Variants in CC2D2A observed in about 807,000 individuals in gnomAD.
The protein encoded by CC2D2A is coiled-coil and C2 domain containing 2A.
In CC2D2A, 155 loss-of-function variants were observed where a neutral mutation model predicts 212.9. The observed-to-expected ratio is 0.73, with a 90% CI of 0.64 to 0.83. The LOEUF (loss-of-function observed/expected upper bound fraction) is 0.83. Ranked by LOEUF, CC2D2A falls within the 40% of genes least tolerant of loss-of-function variation. The probability of loss-of-function intolerance (pLI) is 0.00; values close to 1 mark genes in which losing one functional copy is unlikely to be tolerated. For synonymous variants in CC2D2A, 667 were observed against 686.5 expected (o/e 0.97, Z 0.44); for missense variants, 1,856 against 1,956.2 (o/e 0.95, Z 0.97).
chr4:15,473,954 T>G (rs192690685), intron 1 of CC2D2A, among the ~76,000 whole-genome samples: 1 of 152,264 alleles, frequency 6.6e-6, no homozygotes, highest in East Asian at 1.9e-4. Context: ...ATTTGAGGTA[T>G]GTAAAGCCAA....
At chr4:15,510,317 C>A (rs113565267) in intron 7 of CC2D2A, 77 bp downstream of exon 7, 2 of 1,301,540 alleles carry the variant, frequency 1.5e-6, no homozygotes, top group African/African-American at 1.5e-5. Flanking sequence ...GACTACAGGC[C>A]GGGTGTGGTG....
chr4:15,567,462 G>A lies in CC2D2A; in HGVS notation c.3268G>A (p.Ala1090Thr). 1.9e-6 allele frequency: 3 copies of A among 1,613,338 alleles called. No homozygotes were observed. The highest frequency in any genetic ancestry group is 2.5e-6 in the Non-Finnish European group (3 of 1,179,636). Reference sequence around the variant, plus strand: ...AAGCACGTACAGCCCAACCCACAATGCTGACTACCCCCTCGGCCAGGTGAG... The same window carrying A: ...AAGCACGTACAGCCCAACCCACAATACTGACTACCCCCTCGGCCAGGTGAG... ...SPSTYSPTHN[A>T]DYPLGQVLVR... is the part of the protein sequence containing the mutation. Residue 1090 changes from alanine to threonine, a missense_variant, in exon 25 of 37, where the codon GCT becomes ACT. By Grantham distance (58) the Ala-to-Thr change is moderately conservative (BLOSUM62 0). Transcript: ENST00000424120.
chr4:15,555,717 T>G (rs554210271), intron 20 of CC2D2A, among the ~76,000 whole-genome samples: 1 of 152,320 alleles, frequency 6.6e-6, no homozygotes, highest in South Asian at 2.1e-4. Context: ...CCAGTCTGAA[T>G]AGAGTGAGAC....
intron 4 of CC2D2A, among the ~76,000 whole-genome samples, chr4:15,484,846 G>T (rs1456195326): frequency 1.3e-5 from 2 of 152,134 alleles, no homozygotes; most frequent in African/African-American, 4.8e-5. Context: ...ATGGATACAG[G>T]GATCTGGTGG....
chr4:15,580,724 C>T (rs1405431242), intron 30 of CC2D2A, among the ~76,000 whole-genome samples: 2 of 150,288 alleles, frequency 1.3e-5, no homozygotes, highest in African/African-American at 4.9e-5. Flanking sequence ...AAATGCTTTA[C>T]ACTTCCAAAA....
intron 3 of CC2D2A, chr4:15,479,298 G>T (rs1369502838): frequency 6.5e-7 from 1 of 1,537,034 alleles, no homozygotes; most frequent in Non-Finnish European, 8.7e-7. Flanking sequence ...CCTAGGCTGG[G>T]AGCATCCCGT....
intron 17 of CC2D2A, among the ~76,000 whole-genome samples, chr4:15,547,274 A>T (rs1242334585): frequency 6.6e-6 from 1 of 152,218 alleles, no homozygotes; most frequent in African/African-American, 2.4e-5. Context: ...GGTATTTAGA[A>T]TATCTATTAC....
intron 2 of CC2D2A, among the ~76,000 whole-genome samples, chr4:15,476,181 C>T (rs999325830): frequency 3.3e-5 from 5 of 152,202 alleles, no homozygotes; most frequent in Non-Finnish European, 7.3e-5. Context: ...ATTCAGAGAG[C>T]TCTGCTCTGC....
intron 4 of CC2D2A, chr4:15,482,273 G>A: frequency 2.0e-6 from 2 of 983,806 alleles, no homozygotes; most frequent in Non-Finnish European, 2.4e-6. Context: ...ATCTCATATG[G>A]CTGTTTCTTT....
At position 15,543,831 on chromosome 4, in the gene CC2D2A, C is replaced by T. The variant is rs1490126418; in HGVS notation, c.2181+2817C>T. The T allele has an allele frequency of 2.0e-5, 3 of 152,270 alleles. No individual in the cohort carries two copies. In the East Asian group the frequency reaches 5.8e-4, roughly 29 times the overall value. The allele number at this position is 152,270 out of a possible 1,614,324, so 9.4% of individuals were successfully genotyped here. A position where few individuals can be genotyped will look rare whatever the true frequency, so the allele number is the denominator to read the frequency against. On this transcript the variant is annotated intron_variant, in intron 17 of 36. Transcript: ENST00000424120. ...CTGCTTCCTGAATTTCAGCTAATCT[C>T]TCCATCTCATCACCACTCACTGGGA...
intron 23 of CC2D2A, among the ~76,000 whole-genome samples, chr4:15,562,287 T>C (rs937275973): frequency 6.6e-6 from 1 of 152,254 alleles, no homozygotes. Context: ...ATGTGCATTA[T>C]AGCCTGTGGC....
intron 17 of CC2D2A, among the ~76,000 whole-genome samples, chr4:15,544,184 A>G (rs180706160): frequency 5.9e-5 from 9 of 152,330 alleles, no homozygotes; most frequent in African/African-American, 2.2e-4. Context: ...GTCTAAACTA[A>G]GAATAAAACT....
In CC2D2A at chr4:15,527,481, T is replaced by G. The variant is rs767935115; in HGVS notation, c.1184T>G (p.Ile395Ser). 5 of 1,613,526 alleles carry G rather than the reference T, an allele frequency of 3.1e-6. No homozygotes were observed. The East Asian group carries it at 8.9e-5, about 29-fold the overall frequency. The change falls in exon 12 of 37, where the codon ATC becomes AGC. Residue 395 changes from isoleucine (I) to serine (S), a missense_variant. Around this residue, in one of 5 missense-constraint regions of CC2D2A, gnomAD observed 1,512 missense variants for 1,579.3 expected, o/e 0.96. Coordinates refer to ENST00000424120, the MANE Select transcript of CC2D2A (RefSeq NM_001378615.1). ...VKYVHSSQHVIRSGDPPGNFQ... is the reference protein window; with the variant it reads ...VKYVHSSQHVSRSGDPPGNFQ... ...TACGTTCACAGTAGTCAGCATGTGA[T>G]CAGATCTGGAGACCCTCCTGGAAAT...
chr4:15,584,165 A>G (rs753816922), intron 30 of CC2D2A, among the ~76,000 whole-genome samples: 1 of 152,182 alleles, frequency 6.6e-6, no homozygotes, highest in Non-Finnish European at 1.5e-5. Context: ...CTTAAAATTC[A>G]TATGGAAATA....
intron 30 of CC2D2A, among the ~76,000 whole-genome samples, chr4:15,580,770 A>G (rs997215815): frequency 1.3e-5 from 2 of 152,168 alleles, no homozygotes; most frequent in African/African-American, 4.8e-5. Flanking sequence ...ATGTATTCTC[A>G]ATCACTTTGT....
At chr4:15,567,833 A>G in intron 26 of CC2D2A, 47 bp downstream of exon 26, 1 of 1,349,602 alleles carries the variant, frequency 7.4e-7, no homozygotes, top group Non-Finnish European at 1.0e-6. Context: ...TTTTGAAGAA[A>G]TGTGAAGAAA....
intron 17 of CC2D2A, among the ~76,000 whole-genome samples, chr4:15,546,579 G>A (rs992511156): frequency 2.6e-5 from 4 of 152,202 alleles, no homozygotes; most frequent in African/African-American, 7.2e-5. Context: ...GGGAATAACA[G>A]TCATGTTTGG....
At chr4:15,601,080 T>C (rs1721571382) in intron 36 of CC2D2A, among the ~76,000 whole-genome samples, 157 bp from the exon 37 acceptor site, 1 of 152,076 alleles carries the variant, frequency 6.6e-6, no homozygotes, top group African/African-American at 2.4e-5. Flanking sequence ...ATTAAGCAGC[T>C]CTCGATTTTC....
intron 6 of CC2D2A, among the ~76,000 whole-genome samples, chr4:15,504,212 G>T (rs960504368): frequency 6.6e-6 from 1 of 152,234 alleles, no homozygotes; most frequent in East Asian, 1.9e-4. Flanking sequence ...TAAGGAATGT[G>T]GCAGCCTTGT....
Sources: gnomAD v4.1 joint callset for allele counts (sites outside exome capture counted in the v4.1 genomes callset) on GRCh38, gnomAD v4.1.1 for gene constraint, gnomAD v4.1.1 regional missense constraint, MANE v1.5 for transcripts, NCBI Gene and HGNC (gene_info 2026-07-23, HGNC 2026-07-21) for gene names.